HTR2C: variants seen among roughly 807,000 people sequenced by gnomAD.
HTR2C encodes the protein 5-hydroxytryptamine (serotonin) receptor 2C, G protein-coupled.
A neutral mutation model predicts 21.0 loss-of-function variants in HTR2C; 5 were observed. That is an observed-to-expected ratio of 0.24 (90% CI 0.12 to 0.50). The LOEUF is 0.50. Among genes scored for constraint, HTR2C ranks in the 20% least tolerant of loss-of-function variants. HTR2C has a pLI of 0.98. For missense variants in HTR2C, 271 were observed against 371.2 expected (o/e 0.73, Z 2.22); for synonymous variants, 150 against 145.3 (o/e 1.03, Z -0.23).
intron 5 of HTR2C, among the ~76,000 whole-genome samples, chrX:114,875,582 T>C (rs1160942637): frequency 9.0e-6 from 1 of 111,541 alleles, no homozygotes; most frequent in African/African-American, 3.3e-5. Flanking sequence ...GTTTTGTTAA[T>C]ATGATAAGGA....
At chrX:114,863,559 G>A (rs1485521201) in intron 5 of HTR2C, among the ~76,000 whole-genome samples, 1 of 111,276 alleles carries the variant, frequency 9.0e-6, no homozygotes, top group Non-Finnish European at 1.9e-5. Context: ...CTAACATATG[G>A]TCTATCCTGG....
At chrX:114,773,458 A>T (rs1456332597) in intron 4 of HTR2C, among the ~76,000 whole-genome samples, 2 of 112,305 alleles carry the variant, frequency 1.8e-5, no homozygotes, top group Non-Finnish European at 3.8e-5. Context: ...TCCAAAAGTT[A>T]AATTTTAAAG....
chrX:114,627,736 C>T (rs1308525592), intron 2 of HTR2C, among the ~76,000 whole-genome samples: 1 of 111,340 alleles, frequency 9.0e-6, no homozygotes, highest in Non-Finnish European at 1.9e-5. Context: ...GGTAGGTGCT[C>T]CATAAATATT....
chrX:114,644,362 AATATATATAT>A lies in HTR2C; in HGVS notation c.-80+30518_-80+30527del, dbSNP rs782451317. 5.5e-3 allele frequency among the ~76,000 whole-genome samples: 211 copies of A among 38,210 alleles called. 3 individuals carry two copies. Among genetic ancestry groups the A allele is most frequent in the African/African-American group, 0.014 (111 of 7,738 alleles). 33.2% of individuals were successfully genotyped at this position (38,210 alleles called of 115,157 possible). On this transcript the variant is annotated intron_variant, in intron 2 of 5. Transcript: ENST00000276198. ...TCCATCTAAAATAAATAAATAAATA[AATATATATAT>A]ATATATATATATATATATATATATA...
Position 114,867,436 on chromosome X carries a change from T to A in HTR2C, c.550+19233T>A, listed in dbSNP as rs139305821. Among the ~76,000 whole-genome samples, 573 of 111,246 alleles carry A rather than the reference T, an allele frequency of 5.2e-3. 4 individuals carry two copies. The highest frequency in any genetic ancestry group is 0.018 in the African/African-American group (545 of 30,643). ...TTGTCAGATGAGTAGTTTGCAAATA[T>A]TTTCTCCCATTCTGTGGGTTGTTTC... is the stretch of plus-strand genomic sequence containing the variant. On this transcript the variant is annotated intron_variant, in intron 5 of 5. Transcript: ENST00000276198.
intron 4 of HTR2C, among the ~76,000 whole-genome samples, chrX:114,797,620 G>A (rs1412013977): frequency 9.0e-6 from 1 of 111,721 alleles, no homozygotes; most frequent in Non-Finnish European, 1.9e-5. Flanking sequence ...GGGTTAAATA[G>A]GGTTAGTGTC....
chrX:114,749,745 G>A (rs2069743879), intron 4 of HTR2C, among the ~76,000 whole-genome samples: 1 of 111,110 alleles, frequency 9.0e-6, no homozygotes, highest in Non-Finnish European at 1.9e-5. Context: ...AGCATTTGTA[G>A]TAATTAACCA....
intron 5 of HTR2C, among the ~76,000 whole-genome samples, chrX:114,905,958 T>C (rs1380773487): frequency 1.8e-5 from 2 of 111,428 alleles, no homozygotes; most frequent in Non-Finnish European, 3.8e-5. Context: ...TTACCCTCTC[T>C]TGACTTTGAA....
intron 2 of HTR2C, among the ~76,000 whole-genome samples, chrX:114,615,819 C>T (rs2147807112): frequency 8.9e-6 from 1 of 112,151 alleles, no homozygotes; most frequent in South Asian, 3.7e-4. Flanking sequence ...CACCTGTTGA[C>T]ACTTTGCTCT....
intron 2 of HTR2C, among the ~76,000 whole-genome samples, chrX:114,632,676 G>A (rs1434529449): frequency 9.0e-6 from 1 of 110,685 alleles, no homozygotes; most frequent in Non-Finnish European, 1.9e-5. Flanking sequence ...AGAATAAAAG[G>A]AATGTGAACA....
intron 4 of HTR2C, among the ~76,000 whole-genome samples, chrX:114,795,287 G>A (rs1312149559): frequency 2.7e-5 from 3 of 111,087 alleles, no homozygotes; most frequent in Non-Finnish European, 5.7e-5. Context: ...TGAGCAGGTT[G>A]CAAAAATTTT....
intron 2 of HTR2C, among the ~76,000 whole-genome samples, chrX:114,655,700 A>G (rs782341149): frequency 1.1e-4 from 12 of 111,426 alleles, no homozygotes; most frequent in African/African-American, 3.2e-4. Flanking sequence ...TGGTGGGGCT[A>G]CACACTGTAG....
intron 2 of HTR2C, among the ~76,000 whole-genome samples, chrX:114,687,126 G>A (rs1931944624): frequency 9.0e-6 from 1 of 111,727 alleles, no homozygotes; most frequent in Non-Finnish European, 1.9e-5. Context: ...ATTTACCCCA[G>A]CTATATTTTC....
chrX:114,883,629 T>C (rs958654298), intron 5 of HTR2C, among the ~76,000 whole-genome samples: 2 of 110,115 alleles, frequency 1.8e-5, no homozygotes, highest in South Asian at 7.5e-4. Flanking sequence ...TTTATTCACC[T>C]AAAAGTATTT....
intron 2 of HTR2C, among the ~76,000 whole-genome samples, chrX:114,646,657 T>C (rs1230506295): frequency 8.9e-6 from 1 of 112,321 alleles, no homozygotes; most frequent in African/African-American, 3.2e-5. Context: ...TCTGTTAATG[T>C]GCAGAAACTT....
intron 4 of HTR2C, chrX:114,775,250 G>A: frequency 1.9e-6 from 1 of 520,984 alleles, no homozygotes; most frequent in Non-Finnish European, 3.5e-6. Flanking sequence ...AACGGTGCTT[G>A]TCATTAGTGG....
chrX:114,785,911 CAA>C (rs2070170271), intron 4 of HTR2C, among the ~76,000 whole-genome samples: 1 of 111,970 alleles, frequency 8.9e-6, no homozygotes, highest in Non-Finnish European at 1.9e-5. Flanking sequence ...ACAGAGGTGG[CAA>C]ACATATTTGT....
intron 2 of HTR2C, among the ~76,000 whole-genome samples, chrX:114,721,226 G>C (rs1933194880): frequency 2.8e-5 from 1 of 36,223 alleles, no homozygotes; most frequent in Admixed American, 3.6e-4. Context: ...GTGTGAGATG[G>C]TATCTCATTG....
chrX:114,773,661 AT>A (rs781895060), intron 4 of HTR2C, among the ~76,000 whole-genome samples: 1 of 112,105 alleles, frequency 8.9e-6, no homozygotes, highest in Non-Finnish European at 1.9e-5. Context: ...ACAATTGCAT[AT>A]TTTTTGTATT....
Sources: gnomAD v4.1 joint callset for allele counts (sites outside exome capture counted in the v4.1 genomes callset) on GRCh38, gnomAD v4.1.1 for gene constraint, MANE v1.5 for transcripts, NCBI Gene and HGNC (gene_info 2026-07-23, HGNC 2026-07-21) for gene names.